The following CNTLN variants were observed in gnomAD, a reference collection of about 807,000 sequenced individuals.
CNTLN encodes centlein, centrosomal protein.
Under a neutral mutation model 180.0 loss-of-function variants are expected in CNTLN, and 212 were observed. That is an observed-to-expected ratio of 1.18 (90% CI 1.05 to 1.32). CNTLN has a LOEUF of 1.32. Among genes scored for constraint, CNTLN ranks in the 40% most tolerant of loss-of-function variants. The pLI, the probability that CNTLN is intolerant of heterozygous loss-of-function variation, is 0.00. For missense variants in CNTLN, 2,095 were observed against 1,610.9 expected, an observed-to-expected ratio of 1.30 and a Z score of -5.14; for synonymous variants, 722 against 563.1, an observed-to-expected ratio of 1.28 and a Z score of -3.99.
At chr9:17,230,146 T>G (rs1470873468) in intron 3 of CNTLN, among the ~76,000 whole-genome samples, 1 of 152,162 alleles carries the variant, frequency 6.6e-6, no homozygotes, top group Non-Finnish European at 1.5e-5. Context: ...TACAGTTTGG[T>G]GTTTGCCTTA....
intron 18 of CNTLN, among the ~76,000 whole-genome samples, chr9:17,432,633 A>G (rs1829481947): frequency 6.6e-6 from 1 of 152,166 alleles, no homozygotes; most frequent in South Asian, 2.1e-4. Flanking sequence ...CAAAAGCAAT[A>G]CTAGAAACCA....
intron 9 of CNTLN, 92 bp downstream of exon 9, chr9:17,330,900 C>A: frequency 8.5e-7 from 1 of 1,177,430 alleles, no homozygotes; most frequent in Non-Finnish European, 1.2e-6. Flanking sequence ...ATTTACTTCT[C>A]TGCTTGTATT....
At position 17,290,589 on chromosome 9, in the gene CNTLN, C is replaced by T. The variant is rs1384030178; in HGVS notation, c.984-7601C>T. On this transcript the variant is annotated intron_variant, in intron 6 of 25. Coordinates refer to ENST00000380647, the MANE Select transcript of CNTLN (RefSeq NM_017738.4). ...TTACCTAAGGAAGCCTGGGCAATGGCGGGCGCCCCTCCCCCAGCCTGGCTG... is the reference window on the plus strand; with the variant it reads ...TTACCTAAGGAAGCCTGGGCAATGGTGGGCGCCCCTCCCCCAGCCTGGCTG... Among the ~76,000 whole-genome samples the T allele has an allele frequency of 9.9e-5, 14 of 140,712 alleles. 1 individual carries two copies. The highest frequency in any genetic ancestry group is 2.8e-4 in the African/African-American group (11 of 38,908). The allele number at this position is 140,712 out of a possible 152,430, so 92.3% of individuals were successfully genotyped here.
intron 8 of CNTLN, among the ~76,000 whole-genome samples, chr9:17,324,275 T>C (rs545745604): frequency 7.9e-4 from 120 of 152,290 alleles, no homozygotes; most frequent in Admixed American, 2.0e-3. Context: ...AAATTCATTT[T>C]AGGATGCCAC....
At chr9:17,291,320 G>T (rs973185928) in intron 6 of CNTLN, among the ~76,000 whole-genome samples, 16 of 152,152 alleles carry the variant, frequency 1.1e-4, no homozygotes, top group Middle Eastern at 3.4e-3. Flanking sequence ...TATTTATCAG[G>T]TCCACTTGAT....
intron 2 of CNTLN, among the ~76,000 whole-genome samples, chr9:17,144,174 G>A (rs913093521): frequency 9.2e-5 from 14 of 152,104 alleles, no homozygotes; most frequent in Admixed American, 3.9e-4. Context: ...TCATTCCAGC[G>A]TTGTCTGAGA....
At chr9:17,140,162 G>A (rs1378374042) in intron 1 of CNTLN, among the ~76,000 whole-genome samples, 2 of 152,064 alleles carry the variant, frequency 1.3e-5, no homozygotes, top group East Asian at 1.9e-4. Context: ...TTTTGTATAT[G>A]AAAGTTTTTT....
At chr9:17,468,083 C>A (rs1027005496) in intron 23 of CNTLN, among the ~76,000 whole-genome samples, 6 of 151,546 alleles carry the variant, frequency 4.0e-5, no homozygotes, top group Admixed American at 6.6e-5. Flanking sequence ...AGATCAAGTC[C>A]TTTGCAGCAA....
At chr9:17,199,863 T>C (rs1587113587) in intron 2 of CNTLN, among the ~76,000 whole-genome samples, 1 of 152,360 alleles carries the variant, frequency 6.6e-6, no homozygotes, top group African/African-American at 2.4e-5. Context: ...TTTGTCAATT[T>C]TGACTTTTGT....
intron 7 of CNTLN, 99 bp downstream of exon 7, chr9:17,298,451 A>C: frequency 7.4e-7 from 1 of 1,355,188 alleles, no homozygotes; most frequent in Non-Finnish European, 9.6e-7. Flanking sequence ...TTTAATTTTT[A>C]CTTCCTTTTA....
chr9:17,207,775 G>A (rs1313570956), intron 2 of CNTLN, among the ~76,000 whole-genome samples: 1 of 152,046 alleles, frequency 6.6e-6, no homozygotes, highest in Non-Finnish European at 1.5e-5. Flanking sequence ...GACCAGATCT[G>A]TTCCTATTTG....
intron 2 of CNTLN, among the ~76,000 whole-genome samples, chr9:17,200,341 A>G (rs767724334): frequency 6.6e-6 from 1 of 152,110 alleles, no homozygotes. Flanking sequence ...TTTCATGTGA[A>G]ATTTAGGGTA....
chr9:17,442,475 T>C (rs1422283111), intron 18 of CNTLN, among the ~76,000 whole-genome samples: 1 of 152,168 alleles, frequency 6.6e-6, no homozygotes, highest in Non-Finnish European at 1.5e-5. Context: ...CTCAGCTCAC[T>C]GCACCCTGCA....
chr9:17,302,763 G>A (rs1432719147), intron 7 of CNTLN, among the ~76,000 whole-genome samples: 5 of 152,100 alleles, frequency 3.3e-5, no homozygotes, highest in Non-Finnish European at 7.4e-5. Flanking sequence ...TTGACTTTGG[G>A]TGGATGAATG....
At position 17,295,969 on chromosome 9, in the gene CNTLN, T is replaced by TGAGAGAGAGAGAGA. The variant is rs113148833; in HGVS notation, c.984-2205_984-2192dup. 2.3e-4 allele frequency among the ~76,000 whole-genome samples: 27 copies of TGAGAGAGAGAGAGA among 119,864 alleles called. 2 individuals carry two copies. The highest frequency in any genetic ancestry group is 8.5e-4 in the African/African-American group (26 of 30,624). The allele number at this position is 119,864 out of a possible 152,430, so 78.6% of individuals were successfully genotyped here. On this transcript the variant is annotated intron_variant, in intron 6 of 25. Transcript: ENST00000380647. ...GTATGAGCATCTCCCTACTCTTCAG[T>TGAGAGAGAGAGAGA]GAGAGAGAGAGAGAGAGAGAGAGAG...
At chr9:17,515,185 G>T in the CNTLN span, among the ~76,000 whole-genome samples, 1 of 151,974 alleles carries the variant, frequency 6.6e-6, no homozygotes, top group Non-Finnish European at 1.5e-5. Flanking sequence ...TGCTGGTCAC[G>T]CTTTCTTGAA....
Position 17,423,483 on chromosome 9 carries a change from C to G in CNTLN, c.3114+7294C>G, listed in dbSNP as rs547333386. Among the ~76,000 whole-genome samples the G allele has an allele frequency of 3.3e-5, 5 of 152,170 alleles. No individual in the cohort carries two copies. In the East Asian group the frequency reaches 9.7e-4, roughly 29 times the overall value. On this transcript the variant is annotated intron_variant, in intron 18 of 25. Coordinates refer to ENST00000380647, the MANE Select transcript of CNTLN (RefSeq NM_017738.4). ...CCTTCTCCTTTCTGCAATCAGGAGT[C>G]TCTCACTGAGCTTCCCTGCCTGGAG...
At chr9:17,153,503 T>C (rs1430128291) in intron 2 of CNTLN, among the ~76,000 whole-genome samples, 2 of 152,224 alleles carry the variant, frequency 1.3e-5, no homozygotes, top group Admixed American at 1.3e-4. Flanking sequence ...TTCTGGCTTG[T>C]AGGGTTTCTC....
intron 18 of CNTLN, among the ~76,000 whole-genome samples, chr9:17,436,573 G>C (rs16935631): frequency 0.13 from 19,630 of 152,176 alleles, 1,627 homozygotes; most frequent in Non-Finnish European, 0.18. Flanking sequence ...TAAATCTGAA[G>C]AGACCTTTAG....
Sources: gnomAD v4.1 joint callset for allele counts (sites outside exome capture counted in the v4.1 genomes callset) on GRCh38, gnomAD v4.1.1 for gene constraint, MANE v1.5 for transcripts, NCBI Gene and HGNC (gene_info 2026-07-23, HGNC 2026-07-21) for gene names.